Variants in MLIP observed in about 807,000 individuals in gnomAD.
MLIP encodes muscular LMNA interacting protein.
A neutral mutation model predicts 84.8 loss-of-function variants in MLIP; 79 were observed. The ratio of observed to expected loss-of-function variants is 0.93; its 90% CI spans 0.78 to 1.12. The LOEUF (loss-of-function observed/expected upper bound fraction) is 1.12. Among genes scored for constraint, MLIP ranks in the 50% most tolerant of loss-of-function variants. MLIP has a pLI of 0.00. For synonymous variants in MLIP, 504 were observed against 463.0 expected, an observed-to-expected ratio of 1.09 and a Z score of -1.14; for missense variants, 1,257 against 1,160.6, an observed-to-expected ratio of 1.08 and a Z score of -1.21.
intron 1 of MLIP, among the ~76,000 whole-genome samples, chr6:54,024,445 G>T (rs1462343864): frequency 6.6e-6 from 1 of 152,138 alleles, no homozygotes; most frequent in East Asian, 1.9e-4. Flanking sequence ...CTGATGACAG[G>T]TCTGGGTGTT....
intron 5 of MLIP, among the ~76,000 whole-genome samples, chr6:54,159,416 A>G (rs1348702360): frequency 6.6e-6 from 1 of 152,102 alleles, no homozygotes; most frequent in Non-Finnish European, 1.5e-5. Context: ...GTATTGGACC[A>G]ACTGTTTTAC....
At chr6:54,128,188 C>G (rs745554555) in intron 3 of MLIP, among the ~76,000 whole-genome samples, 1 of 152,098 alleles carries the variant, frequency 6.6e-6, no homozygotes, top group African/African-American at 2.4e-5. Context: ...GATTAGACAT[C>G]TGATGTTGAG....
At chr6:54,085,198 C>T (rs1201809680) in intron 1 of MLIP, among the ~76,000 whole-genome samples, 1 of 152,132 alleles carries the variant, frequency 6.6e-6, no homozygotes, top group African/African-American at 2.4e-5. Context: ...CTGACACCAG[C>T]CCCACCATTT....
At chr6:54,055,338 CAT>C (rs1374060332) in intron 1 of MLIP, among the ~76,000 whole-genome samples, 3 of 152,068 alleles carry the variant, frequency 2.0e-5, no homozygotes, top group Admixed American at 2.0e-4. Flanking sequence ...GAGGTTATAT[CAT>C]ATATGTTTTC....
chr6:54,212,973 G>A (rs1417388), intron 11 of MLIP, among the ~76,000 whole-genome samples: 147,494 of 152,330 alleles, frequency 0.97, 71,587 homozygotes, highest in East Asian at 1. Context: ...TAAAATTTAA[G>A]TGAAGATACT....
chr6:54,080,370 C>G (rs968451440), intron 1 of MLIP, among the ~76,000 whole-genome samples: 1 of 151,966 alleles, frequency 6.6e-6, no homozygotes, highest in Non-Finnish European at 1.5e-5. Flanking sequence ...CACCCCCCAC[C>G]CCAGTTTTAG....
chr6:54,248,783 A>G (rs1245361928), intron 12 of MLIP, among the ~76,000 whole-genome samples: 1 of 152,090 alleles, frequency 6.6e-6, no homozygotes, highest in Non-Finnish European at 1.5e-5. Flanking sequence ...ATGTTTTCTT[A>G]TTAGTATTCT....
chr6:54,022,552 A>G (rs561483714), intron 1 of MLIP, among the ~76,000 whole-genome samples: 2 of 152,338 alleles, frequency 1.3e-5, no homozygotes, highest in Non-Finnish European at 2.9e-5. Flanking sequence ...ACTAGTTTCT[A>G]TGTATTATGT....
intron 1 of MLIP, among the ~76,000 whole-genome samples, chr6:54,049,459 C>A (rs537860751): frequency 2.2e-3 from 335 of 152,220 alleles, no homozygotes; most frequent in African/African-American, 6.8e-3. Flanking sequence ...AATACTGACA[C>A]AAATGCTAGA....
intron 9 of MLIP, among the ~76,000 whole-genome samples, chr6:54,184,211 CAGTT>C (rs1000809975): frequency 2.6e-5 from 4 of 151,972 alleles, no homozygotes; most frequent in African/African-American, 9.7e-5. Context: ...AGATTCAGGA[CAGTT>C]AGAGTCAACA....
At chr6:54,074,660 G>A (rs545892421) in intron 1 of MLIP, among the ~76,000 whole-genome samples, 43 of 152,238 alleles carry the variant, frequency 2.8e-4, no homozygotes, top group Non-Finnish European at 5.1e-4. Flanking sequence ...AGCTGCTGAA[G>A]CTCAGTGGCA....
Position 54,215,271 on chromosome 6 carries a change from A to G in MLIP, c.2718+13038A>G. ...GACTTTCCTACTTCCTGAAAAAGAG[A>G]AAAAGACGATGATAGAATTCAATGG... On this transcript the variant is annotated intron_variant, in intron 11 of 13. Coordinates refer to ENST00000502396, the MANE Select transcript of MLIP (RefSeq NM_001281747.2). 1.3e-5 allele frequency: 20 copies of G among 1,490,088 alleles called. No homozygotes were observed. In the South Asian group the frequency reaches 2.4e-4, roughly 18 times the overall value. The allele number at this position is 1,490,088 out of a possible 1,614,324, so 92.3% of individuals were successfully genotyped here. A position where few individuals can be genotyped will look rare whatever the true frequency, so the allele number is the denominator to read the frequency against.
chr6:54,266,007 G>A lies in MLIP; in HGVS notation c.*52G>A, dbSNP rs1359014209. ...GCTGCTGAAGTTTTTTGGAATGCTG[G>A]TGCTAACCACTTGCTAGATTTAACT... On this transcript the variant is annotated 3_prime_UTR_variant, in exon 14 of 14. Transcript: ENST00000502396. 4 of 1,593,474 alleles carry A rather than the reference G, an allele frequency of 2.5e-6. No individual in the cohort carries two copies. Among genetic ancestry groups the A allele is most frequent in the African/African-American group, 1.4e-5 (1 of 73,928 alleles).
intron 2 of MLIP, among the ~76,000 whole-genome samples, chr6:54,123,033 T>G (rs563957692): frequency 7.8e-4 from 119 of 151,762 alleles, no homozygotes; most frequent in African/African-American, 2.9e-3. Context: ...CCGGGTTCAC[T>G]CCATTCTCCT....
chr6:54,158,316 C>T (rs987701235), intron 5 of MLIP, among the ~76,000 whole-genome samples: 2 of 152,084 alleles, frequency 1.3e-5, no homozygotes, highest in African/African-American at 4.8e-5. Context: ...TTATATAATA[C>T]ATGACAATAG....
At chr6:54,179,370 A>G (rs1054642741) in intron 9 of MLIP, among the ~76,000 whole-genome samples, 3 of 152,028 alleles carry the variant, frequency 2.0e-5, no homozygotes, top group Admixed American at 6.6e-5. Flanking sequence ...ATGACTTTTG[A>G]TTGGACAGCT....
chr6:54,083,595 G>A (rs1450473857), intron 1 of MLIP: 2 of 1,535,852 alleles, frequency 1.3e-6, no homozygotes, highest in African/African-American at 2.7e-5. Context: ...TGTGCAGCTG[G>A]TACCTTGGAT....
chr6:54,070,242 TCTC>T (rs1173618309), intron 1 of MLIP, among the ~76,000 whole-genome samples: 2 of 152,198 alleles, frequency 1.3e-5, no homozygotes, highest in African/African-American at 2.4e-5. Context: ...TTTTTGTTAT[TCTC>T]CTTCAATTTT....
intron 11 of MLIP, among the ~76,000 whole-genome samples, chr6:54,225,964 C>T (rs186545583): frequency 1.3e-5 from 2 of 152,126 alleles, no homozygotes; most frequent in African/African-American, 4.8e-5. Flanking sequence ...GAAAAGCTGA[C>T]ATAGCAACCC....
Sources: gnomAD v4.1 joint callset for allele counts (sites outside exome capture counted in the v4.1 genomes callset) on GRCh38, gnomAD v4.1.1 for gene constraint, MANE v1.5 for transcripts, NCBI Gene and HGNC (gene_info 2026-07-23, HGNC 2026-07-21) for gene names.